The following NLGN4X variants were observed in gnomAD, a reference collection of about 807,000 sequenced individuals.
The protein encoded by NLGN4X is neuroligin-4, X-linked.
In NLGN4X, 3 loss-of-function variants were observed where a neutral mutation model predicts 40.3. The ratio of observed to expected loss-of-function variants is 0.07; its 90% CI spans 0.03 to 0.19. NLGN4X has a LOEUF of 0.19. Ranked by LOEUF, NLGN4X falls within the 10% of genes least tolerant of loss-of-function variation. The pLI, the probability that NLGN4X is intolerant of heterozygous loss-of-function variation, is 1.00. For missense variants in NLGN4X, 382 were observed against 708.3 expected (o/e 0.54, Z 5.23); for synonymous variants, 270 against 306.8 (o/e 0.88, Z 1.25).
Position 5,890,738 on chromosome X carries a change from T to C in NLGN4X, c.*2079A>G, listed in dbSNP as rs2031114427. The stretch of plus-strand genomic sequence containing the variant: ...CTTCACGTGTGCTAAGTTGAGATAA[T>C]AATATTTCACATATTTATATACAGA... On this transcript the variant is annotated 3_prime_UTR_variant, in exon 6 of 6. Coordinates refer to ENST00000381095, the MANE Select transcript of NLGN4X (RefSeq NM_181332.3). The C allele has an allele frequency of 1.6e-5, 5 of 304,141 alleles. No individual in the cohort carries two copies. The allele number at this position is 304,141 out of a possible 1,213,427, so 25.1% of individuals were successfully genotyped here.
At chrX:6,037,419 AACATT>A (rs1455778737) in intron 2 of NLGN4X, among the ~76,000 whole-genome samples, 3 of 111,884 alleles carry the variant, frequency 2.7e-5, no homozygotes, top group Non-Finnish European at 3.8e-5. Flanking sequence ...TACTGCTGTT[AACATT>A]ACAAGTCAGA....
At chrX:6,039,921 C>A in intron 2 of NLGN4X, among the ~76,000 whole-genome samples, 1 of 111,643 alleles carries the variant, frequency 9.0e-6, no homozygotes, top group Non-Finnish European at 1.9e-5. Flanking sequence ...GGGCTTTATG[C>A]ATGTTGAATA....
At chrX:5,934,359 A>G (rs1255336066) in intron 3 of NLGN4X, among the ~76,000 whole-genome samples, 2 of 111,733 alleles carry the variant, frequency 1.8e-5, no homozygotes, top group African/African-American at 6.5e-5. Flanking sequence ...AAACAGAGAA[A>G]ACCCCTTGTT....
intron 1 of NLGN4X, among the ~76,000 whole-genome samples, chrX:6,209,179 T>A (rs1969308354): frequency 9.0e-6 from 1 of 111,498 alleles, no homozygotes; most frequent in Non-Finnish European, 1.9e-5. Flanking sequence ...AGCTAAATAA[T>A]GTGTACACAT....
chrX:6,170,377 G>A (rs780291161), intron 1 of NLGN4X, among the ~76,000 whole-genome samples: 2 of 112,423 alleles, frequency 1.8e-5, no homozygotes, highest in East Asian at 5.6e-4. Flanking sequence ...CTGCATTGCA[G>A]ACCGAGCAAG....
intron 1 of NLGN4X, among the ~76,000 whole-genome samples, chrX:6,184,478 G>C (rs1260131980): frequency 8.8e-5 from 9 of 102,226 alleles, no homozygotes; most frequent in Non-Finnish European, 1.2e-4. Flanking sequence ...CTTAATTACA[G>C]ATAAGTCAAT....
chrX:6,164,038 A>G (rs1381999989), intron 1 of NLGN4X, among the ~76,000 whole-genome samples: 1 of 112,892 alleles, frequency 8.9e-6, no homozygotes, highest in African/African-American at 3.2e-5. Flanking sequence ...AAGATGAGCT[A>G]CTTCCACCAC....
chrX:6,203,913 A>G (rs1183243449), intron 1 of NLGN4X, among the ~76,000 whole-genome samples: 1 of 112,588 alleles, frequency 8.9e-6, no homozygotes, highest in Non-Finnish European at 1.9e-5. Context: ...AATGGAAAAC[A>G]AGATTCTGTG....
At chrX:6,227,939 A>G (rs1926528816) in intron 1 of NLGN4X, 1 of 85,962 alleles carries the variant, frequency 1.2e-5, no homozygotes, top group African/African-American at 4.4e-5. Flanking sequence ...GTGGTAGCTG[A>G]CAGTTTTCTT....
intron 2 of NLGN4X, among the ~76,000 whole-genome samples, chrX:6,124,420 G>A (rs1346886754): frequency 1.8e-5 from 2 of 112,077 alleles, no homozygotes; most frequent in African/African-American, 6.5e-5. Flanking sequence ...AGTGGCCCAC[G>A]CCTGTAATCC....
chrX:6,111,207 A>C (rs1201954150), intron 2 of NLGN4X, among the ~76,000 whole-genome samples: 1 of 112,172 alleles, frequency 8.9e-6, no homozygotes, highest in East Asian at 2.8e-4. Context: ...CTTGTTATAT[A>C]GTCTGAATGG....
At chrX:6,172,211 T>G (rs1248022942) in intron 1 of NLGN4X, among the ~76,000 whole-genome samples, 1 of 112,348 alleles carries the variant, frequency 8.9e-6, no homozygotes, top group Non-Finnish European at 1.9e-5. Context: ...ATATATTTGT[T>G]CTTCTGAAAT....
chrX:5,990,077 C>CCTCTCT (rs71839664), intron 3 of NLGN4X, among the ~76,000 whole-genome samples: 51 of 83,693 alleles, frequency 6.1e-4, no homozygotes, highest in African/African-American at 1.5e-3. Flanking sequence ...TCTCTATTTT[C>CCTCTCT]CTCTCTCTCT....
chrX:6,218,539 G>A (rs1925305519), intron 1 of NLGN4X, among the ~76,000 whole-genome samples: 1 of 109,045 alleles, frequency 9.2e-6, no homozygotes, highest in Non-Finnish European at 1.9e-5. Flanking sequence ...AAACTTATTT[G>A]TTCTTAAACA....
chrX:5,948,947 G>A (rs757368298), intron 3 of NLGN4X, among the ~76,000 whole-genome samples: 1 of 111,712 alleles, frequency 9.0e-6, no homozygotes, highest in Non-Finnish European at 1.9e-5. Flanking sequence ...GTTGTCAACC[G>A]GGAGTGAAGC....
At chrX:6,141,237 C>G (rs1020260910) in intron 2 of NLGN4X, among the ~76,000 whole-genome samples, 1 of 111,393 alleles carries the variant, frequency 9.0e-6, no homozygotes, top group Non-Finnish European at 1.9e-5. Context: ...TGAAAACAGC[C>G]TGGTTTTAGG....
chrX:5,996,714 T>G (rs753412331), intron 3 of NLGN4X, among the ~76,000 whole-genome samples: 11 of 109,453 alleles, frequency 1.0e-4, no homozygotes, highest in African/African-American at 3.7e-4. Flanking sequence ...TTCTCCTGCC[T>G]CAGCCTCCCA....
Position 6,029,426 on chromosome X carries a change from T to C in NLGN4X, c.479A>G (p.His160Arg). 8.3e-7 allele frequency: 1 copy of C among 1,209,995 alleles called. No individual in the cohort carries two copies. Among genetic ancestry groups the C allele is most frequent in the East Asian group, 3.0e-5 (1 of 33,795 alleles). ...GACGGGCTTCTTACTGTTCTGATCA[T>C]GAATATCTGGAAAAAAAAGCCAAGT... Reference protein sequence around the residue: ...NIYVPTEDDIHDQNSKKPVMV... With the variant: ...NIYVPTEDDIRDQNSKKPVMV... Residue 160 changes from histidine (H) to arginine (R), a missense_variant, in exon 3 of 6, where the codon CAT becomes CGT. Transcript: ENST00000381095.
chrX:6,156,669 T>TCATAAAG (rs2040274079), intron 1 of NLGN4X, among the ~76,000 whole-genome samples: 1 of 110,887 alleles, frequency 9.0e-6, no homozygotes, highest in African/African-American at 3.3e-5. Context: ...CATTGGGTAC[T>TCATAAAG]CATGGACATA....
Sources: allele counts gnomAD v4.1 joint callset (sites outside exome capture counted in the v4.1 genomes callset), GRCh38; gene constraint gnomAD v4.1.1; transcripts MANE v1.5; gene names NCBI Gene and HGNC (gene_info 2026-07-23, HGNC 2026-07-21).